Variants in CPNE5 observed in about 807,000 individuals in gnomAD.
CPNE5 encodes copine-5.
Under a neutral mutation model 81.1 loss-of-function variants are expected in CPNE5, and 42 were observed. The observed-to-expected ratio is 0.52, with a 90% CI of 0.40 to 0.67. The LOEUF is 0.67. CPNE5 is among the 30% of genes least tolerant of loss of function. The pLI is 0.00. For synonymous variants in CPNE5, 313 were observed against 321.5 expected (o/e 0.97, Z 0.28); for missense variants, 612 against 815.5 (o/e 0.75, Z 3.04).
intron 6 of CPNE5, among the ~76,000 whole-genome samples, chr6:36,796,953 C>A (rs1769637337): frequency 6.6e-6 from 1 of 152,080 alleles, no homozygotes; most frequent in African/African-American, 2.4e-5. Context: ...CTCTGTTGCC[C>A]AGGTTGGAGT....
intron 12 of CPNE5, among the ~76,000 whole-genome samples, chr6:36,760,070 G>A (rs564476209): frequency 1.0e-4 from 15 of 149,168 alleles, no homozygotes; most frequent in African/African-American, 3.4e-4. Flanking sequence ...AAAAAAAATC[G>A]CCAGGGTGGT....
chr6:36,782,926 C>T lies in CPNE5; in HGVS notation c.529-3969G>A, dbSNP rs182853952. ...TTGGAATCCTAGCTCTGCCACCTCC[C>T]GGCTGAGCAGCTCCTAGTGGGTAAC... On this transcript the variant is annotated intron_variant, in intron 8 of 20. Coordinates refer to ENST00000244751, the MANE Select transcript of CPNE5 (RefSeq NM_020939.2). Among the ~76,000 whole-genome samples, 61 of 151,956 alleles carry T rather than the reference C, an allele frequency of 4.0e-4. No homozygotes were observed. In the East Asian group the frequency reaches 6.4e-3, roughly 16 times the overall value.
chr6:36,748,487 G>C (rs922792553), intron 14 of CPNE5, among the ~76,000 whole-genome samples: 3 of 152,190 alleles, frequency 2.0e-5, no homozygotes. Context: ...TATGCAGTAG[G>C]AAAGCTCTTT....
intron 8 of CPNE5, among the ~76,000 whole-genome samples, chr6:36,786,402 A>T (rs1768556125): frequency 6.6e-6 from 1 of 152,230 alleles, no homozygotes. Flanking sequence ...AACCATGTTG[A>T]GGCCAAGCTA....
At chr6:36,831,132 G>C (rs1413077637) in intron 1 of CPNE5, among the ~76,000 whole-genome samples, 1 of 152,074 alleles carries the variant, frequency 6.6e-6, no homozygotes, top group African/African-American at 2.4e-5. Flanking sequence ...TCAGCTCACT[G>C]CAACCTCCGC....
intron 3 of CPNE5, among the ~76,000 whole-genome samples, chr6:36,810,545 C>T (rs1332043102): frequency 1.3e-5 from 2 of 152,146 alleles, no homozygotes; most frequent in South Asian, 2.1e-4. Context: ...CAGGTGGGGG[C>T]GCCCAGTGGC....
chr6:36,772,781 T>C (rs1255876951), intron 10 of CPNE5, among the ~76,000 whole-genome samples: 1 of 152,234 alleles, frequency 6.6e-6, no homozygotes, highest in Non-Finnish European at 1.5e-5. Flanking sequence ...CCCCTCAACA[T>C]GCCTTTTCAG....
rs180883039 is a variant in CPNE5 at position 36,771,205 on chromosome 6, A to C, written c.737+3756T>G. ...GCAGAACTGCCCCTAACCCCTGAGC[A>C]AGGTGCTCATTAGTAAGCCTCCCCC... On this transcript the variant is annotated intron_variant, in intron 10 of 20. Coordinates refer to ENST00000244751, the MANE Select transcript of CPNE5 (RefSeq NM_020939.2). 1.9e-3 allele frequency among the ~76,000 whole-genome samples: 291 copies of C among 152,342 alleles called. 2 individuals carry two copies. Among genetic ancestry groups the C allele is most frequent in the South Asian group, 0.015 (71 of 4,826 alleles).
At chr6:36,819,865 A>T (rs1331196389) in intron 3 of CPNE5, among the ~76,000 whole-genome samples, 3 of 152,164 alleles carry the variant, frequency 2.0e-5, no homozygotes, top group Non-Finnish European at 2.9e-5. Flanking sequence ...TGCCAAGGCC[A>T]ACAGGGCCAC....
chr6:36,759,267 T>C (rs1765785833), intron 12 of CPNE5, among the ~76,000 whole-genome samples: 1 of 152,234 alleles, frequency 6.6e-6, no homozygotes. Context: ...CTCAGATCCC[T>C]GTTTACCCTG....
chr6:36,747,251 T>C (rs948640809), intron 15 of CPNE5, among the ~76,000 whole-genome samples: 3 of 119,554 alleles, frequency 2.5e-5, no homozygotes, highest in African/African-American at 8.9e-5. Flanking sequence ...CTGGCTTGAT[T>C]TCCCCCCCCA....
chr6:36,837,290 C>T (rs1773606486), intron 1 of CPNE5, among the ~76,000 whole-genome samples: 1 of 152,260 alleles, frequency 6.6e-6, no homozygotes, highest in African/African-American at 2.4e-5. Context: ...AAGGTTTCTC[C>T]ATGAGTACAT....
Position 36,759,658 on chromosome 6 carries a change from G to A in CPNE5, c.855+3259C>T, listed in dbSNP as rs527697274. On this transcript the variant is annotated intron_variant, in intron 12 of 20. Coordinates refer to ENST00000244751, the MANE Select transcript of CPNE5 (RefSeq NM_020939.2). ...CACTCCAGGCTCTGGGGTGGGGCGGGTGTGCAGGTGGACACAACTTCCTGG... is the reference window on the plus strand; with the variant it reads ...CACTCCAGGCTCTGGGGTGGGGCGGATGTGCAGGTGGACACAACTTCCTGG... Among the ~76,000 whole-genome samples the A allele has an allele frequency of 8.9e-4, 135 of 152,246 alleles. 1 individual carries two copies. The highest frequency in any genetic ancestry group is 5.1e-4 in the Non-Finnish European group (35 of 68,008).
intron 8 of CPNE5, among the ~76,000 whole-genome samples, chr6:36,782,865 AC>A (rs1562132127): frequency 2.8e-4 from 41 of 148,708 alleles, no homozygotes; most frequent in African/African-American, 9.6e-4. Flanking sequence ...ACACACACAC[AC>A]ACAAAACGGC....
intron 8 of CPNE5, among the ~76,000 whole-genome samples, chr6:36,788,056 G>A (rs1161372776): frequency 1.4e-4 from 21 of 149,154 alleles, no homozygotes; most frequent in Non-Finnish European, 3.0e-5. Context: ...TTTTTGACAG[G>A]GTCTCACTCT....
At chr6:36,774,432 G>A (rs571372030) in intron 10 of CPNE5, among the ~76,000 whole-genome samples, 2 of 152,284 alleles carry the variant, frequency 1.3e-5, no homozygotes, top group East Asian at 1.9e-4. Context: ...ACTCTACCCC[G>A]TTTGTTTATG....
At chr6:36,824,336 C>T (rs1281666289) in intron 1 of CPNE5, among the ~76,000 whole-genome samples, 1 of 152,186 alleles carries the variant, frequency 6.6e-6, no homozygotes, top group African/African-American at 2.4e-5. Context: ...GACTGAGCCC[C>T]AGGGGCCGCC....
intron 1 of CPNE5, among the ~76,000 whole-genome samples, chr6:36,836,793 C>T (rs1032113295): frequency 1.4e-4 from 22 of 152,116 alleles, no homozygotes; most frequent in African/African-American, 4.8e-4. Flanking sequence ...ATAGTTGGGC[C>T]TGGCTGAGGC....
chr6:36,776,126 A>G (rs1341629227), intron 9 of CPNE5, among the ~76,000 whole-genome samples: 7 of 152,168 alleles, frequency 4.6e-5, no homozygotes, highest in Non-Finnish European at 7.4e-5. Context: ...GGCTGGACCC[A>G]TCCTGGAGGC....
Sources: allele counts gnomAD v4.1 joint callset (sites outside exome capture counted in the v4.1 genomes callset), GRCh38; gene constraint gnomAD v4.1.1; transcripts MANE v1.5; gene names NCBI Gene and HGNC (gene_info 2026-07-23, HGNC 2026-07-21).